Variants in PHC2 observed in about 807,000 individuals in gnomAD.
PHC2 encodes polyhomeotic-like protein 2.
Under a neutral mutation model 87.4 loss-of-function variants are expected in PHC2, and 29 were observed. The ratio of observed to expected loss-of-function variants is 0.33; its 90% CI spans 0.25 to 0.45. The LOEUF is 0.45. Ranked by LOEUF, PHC2 falls within the 20% of genes least tolerant of loss-of-function variation. The pLI is 1.00. For missense variants in PHC2, 857 were observed against 1,136.7 expected (o/e 0.75, Z 3.54); for synonymous variants, 438 against 461.7 (o/e 0.95, Z 0.66).
At chr1:33,346,016 C>T (rs187447331) in intron 9 of PHC2, 3 of 985,182 alleles carry the variant, frequency 3.0e-6, no homozygotes, top group African/African-American at 1.7e-5. Context: ...ACTGGTGACT[C>T]ATAGTTTAAA....
Position 33,382,585 on chromosome 1 carries a change from G to GT in PHC2, c.-54-6993dup. On this transcript the variant is annotated intron_variant, in intron 1 of 14. Transcript: ENST00000683057. This position sits in a 1 kb window ranked among gnomAD's most constrained non-coding sequence, Gnocchi z 4.3. ...TCTCTGGGTTCCTACTCACTGTGTGGTTTTGTATGAGCCCGGGCTCTGAAG... is the reference window on the plus strand; with the variant it reads ...TCTCTGGGTTCCTACTCACTGTGTGGTTTTTGTATGAGCCCGGGCTCTGAAG... Among the ~76,000 whole-genome samples, 1 of 152,262 alleles carries GT rather than the reference G, an allele frequency of 6.6e-6. No homozygotes were observed. Among genetic ancestry groups the GT allele is most frequent in the South Asian group, 2.1e-4 (1 of 4,818 alleles).
intron 14 of PHC2, among the ~76,000 whole-genome samples, chr1:33,327,402 G>A (rs918871141): frequency 4.6e-5 from 7 of 152,190 alleles, no homozygotes; most frequent in Middle Eastern, 6.8e-3. Flanking sequence ...CCAAACTGTC[G>A]GGGATTTGGT....
chr1:33,361,276 GAGC>G (rs1215997090), intron 7 of PHC2, among the ~76,000 whole-genome samples: 2 of 152,198 alleles, frequency 1.3e-5, no homozygotes, highest in Non-Finnish European at 2.9e-5. Flanking sequence ...GATATTGAGT[GAGC>G]CCTTACTATA....
chr1:33,328,991 C>T lies in PHC2; in HGVS notation c.2304G>A (p.Arg768=). The T allele has an allele frequency of 6.2e-7, 1 of 1,614,222 alleles. No homozygotes were observed. Among genetic ancestry groups the T allele is most frequent in the Non-Finnish European group, 8.5e-7 (1 of 1,180,048 alleles). ...TATGCATGTCGGGGAGCTCCAGGTCCCGCTGGCCTTGTCGCCGGCGGGAAG... is the reference window on the plus strand; with the variant it reads ...TATGCATGTCGGGGAGCTCCAGGTCTCGCTGGCCTTGTCGCCGGCGGGAAG... The part of the protein sequence containing the change: ...SSTSRRRQGQ[R]DLELPDMHMR... The change falls in exon 14 of 15, where the codon CGG becomes CGA. Residue 768 remains arginine (R), a synonymous_variant. Coordinates refer to ENST00000683057, the MANE Select transcript of PHC2 (RefSeq NM_001385109.1).
chr1:33,401,023 C>T (rs1649500424), intron 1 of PHC2, among the ~76,000 whole-genome samples: 2 of 152,052 alleles, frequency 1.3e-5, no homozygotes, highest in South Asian at 4.1e-4. Flanking sequence ...CTTTTTGTAA[C>T]ATAAAAATTA....
intron 1 of PHC2, among the ~76,000 whole-genome samples, chr1:33,409,751 T>C (rs1298551250): frequency 2.0e-5 from 3 of 152,168 alleles, no homozygotes; most frequent in African/African-American, 7.2e-5. Flanking sequence ...GTAACATTCA[T>C]CCATCATTGG....
At chr1:33,389,911 T>C (rs1648964929) in intron 1 of PHC2, among the ~76,000 whole-genome samples, 1 of 152,230 alleles carries the variant, frequency 6.6e-6, no homozygotes, top group East Asian at 1.9e-4. Flanking sequence ...CCTCCCATTC[T>C]TTCCAGTCAA....
chr1:33,414,193 A>T (rs1650108039), intron 1 of PHC2, among the ~76,000 whole-genome samples: 1 of 151,678 alleles, frequency 6.6e-6, no homozygotes, highest in African/African-American at 2.4e-5. Flanking sequence ...ACACACACAC[A>T]CACACACACA....
chr1:33,409,224 C>T (rs757533038), intron 1 of PHC2, among the ~76,000 whole-genome samples: 39 of 152,056 alleles, frequency 2.6e-4, no homozygotes, highest in Non-Finnish European at 4.1e-4. Context: ...CAGGGGTTCA[C>T]AAAGATTCAG....
chr1:33,350,174 C>T (rs1001502136), intron 9 of PHC2, among the ~76,000 whole-genome samples: 2 of 152,072 alleles, frequency 1.3e-5, no homozygotes, highest in Non-Finnish European at 2.9e-5. Context: ...GGACCGTTCA[C>T]TCCCTGAGGG....
At chr1:33,408,405 G>C (rs1427822203) in intron 1 of PHC2, among the ~76,000 whole-genome samples, 1 of 152,164 alleles carries the variant, frequency 6.6e-6, no homozygotes, top group African/African-American at 2.4e-5. Flanking sequence ...TGACTAGACA[G>C]TAAGCTCTTG....
At chr1:33,402,740 T>G (rs1649591118) in intron 1 of PHC2, among the ~76,000 whole-genome samples, 1 of 152,184 alleles carries the variant, frequency 6.6e-6, no homozygotes, top group Non-Finnish European at 1.5e-5. Context: ...TCAAAACCAG[T>G]TAAAACTAAA....
At chr1:33,424,450 T>G (rs1238734635) in intron 1 of PHC2, among the ~76,000 whole-genome samples, 2 of 152,208 alleles carry the variant, frequency 1.3e-5, no homozygotes, top group East Asian at 3.8e-4. Context: ...AAAGTTTCCC[T>G]AGCAACCATA....
chr1:33,347,619 A>G (rs867613333), intron 9 of PHC2: 6 of 985,512 alleles, frequency 6.1e-6, no homozygotes, highest in Middle Eastern at 5.2e-4. Context: ...TGGACAACTG[A>G]GAAACCGACT....
intron 7 of PHC2, chr1:33,363,295 T>A (rs970368144): frequency 6.6e-6 from 1 of 152,220 alleles, no homozygotes; most frequent in Non-Finnish European, 1.5e-5. Context: ...TTCTTAGTCA[T>A]CTAGATTTGG....
chr1:33,349,889 G>A lies in PHC2; in HGVS notation c.1558+4512C>T, dbSNP rs1646931382. 1 of 977,722 alleles carries A rather than the reference G, an allele frequency of 1.0e-6. No individual in the cohort carries two copies. The highest frequency in any genetic ancestry group is 1.2e-6 in the Non-Finnish European group (1 of 825,934). 60.6% of individuals were successfully genotyped at this position (977,722 alleles called of 1,614,324 possible). On this transcript the variant is annotated intron_variant, in intron 9 of 14. Coordinates refer to ENST00000683057, the MANE Select transcript of PHC2 (RefSeq NM_001385109.1). This position sits in a 1 kb window ranked among gnomAD's most constrained non-coding sequence, Gnocchi z 4.2. ...GGCGCTCGAGGGCTGCAGCCGCCGC[G>A]GAGACAATGCGGCGAGTCTGGGACG... is the stretch of plus-strand genomic sequence containing the variant.
intron 9 of PHC2, chr1:33,335,243 A>G: frequency 4.1e-6 from 4 of 985,420 alleles, no homozygotes; most frequent in Non-Finnish European, 4.8e-6. Context: ...TCATTGTCTT[A>G]GACGTGCAAG....
At chr1:33,345,840 T>C in intron 9 of PHC2, 1 of 984,706 alleles carries the variant, frequency 1.0e-6, no homozygotes, top group Non-Finnish European at 1.2e-6. Flanking sequence ...TCAATACCTT[T>C]AGAAATATCA....
intron 1 of PHC2, among the ~76,000 whole-genome samples, chr1:33,387,776 C>T (rs1397840589): frequency 6.6e-6 from 1 of 152,250 alleles, no homozygotes; most frequent in Non-Finnish European, 1.5e-5. Flanking sequence ...CCAGGCCTCT[C>T]TGGGCCAGTC....
Sources: allele counts gnomAD v4.1 joint callset (sites outside exome capture counted in the v4.1 genomes callset), GRCh38; gene constraint gnomAD v4.1.1; non-coding constraint Gnocchi (gnomAD v3.1); transcripts MANE v1.5; gene names NCBI Gene and HGNC (gene_info 2026-07-23, HGNC 2026-07-21).